Variants in ASIC2 observed in about 807,000 individuals in gnomAD.
ASIC2 encodes acid sensing ion channel subunit 2.
ASIC2 carries 25 observed loss-of-function variants against 57.3 expected under a neutral mutation model. The observed-to-expected ratio is 0.44, with a 90% CI of 0.32 to 0.61. The LOEUF is 0.61. Among genes scored for constraint, ASIC2 ranks in the 20% least tolerant of loss-of-function variants. The pLI, the probability that ASIC2 is intolerant of heterozygous loss-of-function variation, is 0.06. For missense variants in ASIC2, 641 were observed against 738.1 expected (o/e 0.87, Z 1.52); for synonymous variants, 319 against 307.5 (o/e 1.04, Z -0.39).
intron 1 of ASIC2, among the ~76,000 whole-genome samples, chr17:33,314,548 C>T (rs1452618674): frequency 6.6e-6 from 1 of 152,136 alleles, no homozygotes; most frequent in Non-Finnish European, 1.5e-5. Context: ...TGAAGTCTGC[C>T]CTTCTGGGGA....
chr17:33,755,013 T>C (rs564108821), intron 1 of ASIC2, among the ~76,000 whole-genome samples: 7 of 128,840 alleles, frequency 5.4e-5, no homozygotes, highest in Non-Finnish European at 1.9e-5. Flanking sequence ...GAATGTTGCC[T>C]TGTATAACAA....
chr17:33,503,924 A>G (rs7224872), intron 1 of ASIC2, among the ~76,000 whole-genome samples: 3,005 of 152,338 alleles, frequency 0.02, 101 homozygotes, highest in African/African-American at 0.068. Context: ...AGAGAGCTTG[A>G]GACGGAAGGA....
Position 33,352,514 on chromosome 17 carries a change from G to A in ASIC2, c.556-240447C>T, listed in dbSNP as rs77838908. ...TAAAATGAGAAGCTTTAGAGAAGAT[G>A]ATCTCAGAAGACCCTTCTGACCCTA... On this transcript the variant is annotated intron_variant, in intron 1 of 9. Coordinates refer to the ASIC2 transcript ENST00000359872. 2.0e-5 allele frequency among the ~76,000 whole-genome samples: 3 copies of A among 152,248 alleles called. No homozygotes were observed. In the East Asian group the frequency reaches 5.8e-4, roughly 29 times the overall value.
chr17:33,058,822 G>C (rs1180557022), intron 3 of ASIC2, among the ~76,000 whole-genome samples: 1 of 152,090 alleles, frequency 6.6e-6, no homozygotes, highest in Non-Finnish European at 1.5e-5. Flanking sequence ...TAATCTCAAA[G>C]CTCTATGTAC....
intron 1 of ASIC2, among the ~76,000 whole-genome samples, chr17:33,569,697 C>A (rs1284789550): frequency 2.0e-5 from 3 of 152,014 alleles, no homozygotes; most frequent in Non-Finnish European, 4.4e-5. Flanking sequence ...ACAGGTCTGC[C>A]TCTTCTTTTT....
At chr17:33,082,112 C>A (rs2092115216) in intron 3 of ASIC2, among the ~76,000 whole-genome samples, 1 of 151,896 alleles carries the variant, frequency 6.6e-6, no homozygotes, top group Non-Finnish European at 1.5e-5. Flanking sequence ...TTCTTGGTGA[C>A]AGTGGGAAGT....
chr17:33,039,925 T>A (rs1400874579), intron 3 of ASIC2, among the ~76,000 whole-genome samples: 1 of 152,244 alleles, frequency 6.6e-6, no homozygotes, highest in Admixed American at 6.5e-5. Flanking sequence ...CTAAGCAGTT[T>A]CATCCTATTC....
At chr17:33,602,147 G>T (rs2142010573) in intron 1 of ASIC2, among the ~76,000 whole-genome samples, 2 of 152,308 alleles carry the variant, frequency 1.3e-5, no homozygotes, top group Middle Eastern at 3.4e-3. Flanking sequence ...TCGAGTTGAT[G>T]CTGGAATAAG....
rs143404678 is a variant in ASIC2, at chr17:33,754,944, C to T, written c.555+401034G>A. On this transcript the variant is annotated intron_variant, in intron 1 of 9. Transcript: ENST00000359872. ...CTGCACTCCAGCCTGGGCAACAGAG[C>T]GAGACTCCATCTCAAAAAAAAAAAA... Among the ~76,000 whole-genome samples the T allele has an allele frequency of 5.6e-3, 625 of 112,514 alleles. 2 individuals carry two copies. Among genetic ancestry groups the T allele is most frequent in the African/African-American group, 0.021 (591 of 28,370 alleles). 73.8% of individuals were successfully genotyped at this position (112,514 alleles called of 152,430 possible). A position where few individuals can be genotyped will look rare whatever the true frequency, so the allele number is the denominator to read the frequency against.
intron 3 of ASIC2, among the ~76,000 whole-genome samples, chr17:33,058,904 AGAT>A (rs2141936880): frequency 6.6e-6 from 1 of 152,338 alleles, no homozygotes; most frequent in East Asian, 1.9e-4. Context: ...AACAATAGAG[AGAT>A]GATAAGTAAA....
chr17:34,009,592 A>G (rs973111700), intron 1 of ASIC2, among the ~76,000 whole-genome samples: 2 of 152,234 alleles, frequency 1.3e-5, no homozygotes, highest in East Asian at 3.8e-4. Flanking sequence ...TATTAGAAAA[A>G]TTTGAATCAC....
chr17:33,791,219 G>A (rs886976640), intron 1 of ASIC2, among the ~76,000 whole-genome samples: 2 of 152,208 alleles, frequency 1.3e-5, no homozygotes, highest in Non-Finnish European at 2.9e-5. Context: ...CTTCTTGTGG[G>A]TGAGGTAGGC....
At chr17:33,548,787 T>C (rs1567646668) in intron 1 of ASIC2, among the ~76,000 whole-genome samples, 1 of 152,152 alleles carries the variant, frequency 6.6e-6, no homozygotes, top group Non-Finnish European at 1.5e-5. Flanking sequence ...CAAGTCAAGG[T>C]CATTACCACC....
chr17:33,856,710 G>A (rs1165659796), intron 1 of ASIC2, among the ~76,000 whole-genome samples: 2 of 152,150 alleles, frequency 1.3e-5, no homozygotes, highest in African/African-American at 4.8e-5. Flanking sequence ...GAGTTGGTGT[G>A]TTGAACAAGG....
chr17:33,315,175 A>G (rs1328034547), intron 1 of ASIC2, among the ~76,000 whole-genome samples: 2 of 152,212 alleles, frequency 1.3e-5, no homozygotes, highest in Non-Finnish European at 2.9e-5. Flanking sequence ...GTGATGTGGT[A>G]TGTCACAACA....
At chr17:33,649,243 CTG>C (rs1015170101) in intron 1 of ASIC2, among the ~76,000 whole-genome samples, 2 of 152,210 alleles carry the variant, frequency 1.3e-5, no homozygotes, top group African/African-American at 4.8e-5. Context: ...CAAAAATCAA[CTG>C]TATTTCTATA....
chr17:33,654,909 C>T (rs376275452), intron 1 of ASIC2, among the ~76,000 whole-genome samples: 3 of 152,108 alleles, frequency 2.0e-5, no homozygotes, highest in Admixed American at 6.5e-5. Flanking sequence ...GTGGGAGGTT[C>T]GCTTGAGACC....
intron 1 of ASIC2, among the ~76,000 whole-genome samples, chr17:33,311,437 TG>T (rs1250773843): frequency 6.6e-6 from 1 of 151,088 alleles, no homozygotes; most frequent in African/African-American, 2.4e-5. Flanking sequence ...TCTGTGTGTG[TG>T]TGTGTGTGTG....
intron 1 of ASIC2, among the ~76,000 whole-genome samples, chr17:33,731,608 G>A (rs1479425491): frequency 6.6e-6 from 1 of 152,238 alleles, no homozygotes; most frequent in East Asian, 1.9e-4. Context: ...AGTCTATACA[G>A]TGGTAAATGA....
Sources: allele counts gnomAD v4.1 joint callset (sites outside exome capture counted in the v4.1 genomes callset), GRCh38; gene constraint gnomAD v4.1.1; transcripts MANE v1.5; gene names NCBI Gene and HGNC (gene_info 2026-07-23, HGNC 2026-07-21).